The following CCSER2 variants were observed in gnomAD, a reference collection of about 807,000 sequenced individuals.
The protein encoded by CCSER2 is serine-rich coiled-coil domain-containing protein 2.
In CCSER2, 46 loss-of-function variants were observed where a neutral mutation model predicts 92.3. The observed-to-expected ratio is 0.50, with a 90% CI of 0.39 to 0.64. The LOEUF (loss-of-function observed/expected upper bound fraction) is 0.64, where lower values mean the gene tolerates loss of function less well. Ranked by LOEUF, CCSER2 falls within the 30% of genes least tolerant of loss-of-function variation. CCSER2 has a pLI of 0.00. For synonymous variants in CCSER2, 433 were observed against 431.4 expected, an observed-to-expected ratio of 1.00 and a Z score of -0.04; for missense variants, 1,244 against 1,238.9, an observed-to-expected ratio of 1.00 and a Z score of -0.06.
chr10:84,336,010 T>C (rs1380227453), intron 1 of CCSER2, among the ~76,000 whole-genome samples: 2 of 152,196 alleles, frequency 1.3e-5, no homozygotes, highest in Non-Finnish European at 2.9e-5. Context: ...CTGTTTTGTT[T>C]TGTTTCTTTT....
intron 9 of CCSER2, among the ~76,000 whole-genome samples, chr10:84,487,583 A>G (rs190685483): frequency 7.8e-4 from 119 of 152,280 alleles, no homozygotes; most frequent in African/African-American, 2.8e-3. Context: ...TTTTTGCACA[A>G]TGATTTTGTA....
chr10:84,415,039 A>G (rs1434398053), intron 3 of CCSER2, among the ~76,000 whole-genome samples: 1 of 152,144 alleles, frequency 6.6e-6, no homozygotes, highest in Non-Finnish European at 1.5e-5. Flanking sequence ...TTTGACTATC[A>G]GCTCCTGTGT....
chr10:84,387,237 C>T (rs1212652061), intron 3 of CCSER2, among the ~76,000 whole-genome samples: 2 of 152,150 alleles, frequency 1.3e-5, no homozygotes, highest in Non-Finnish European at 2.9e-5. Flanking sequence ...ATTTTCTCCC[C>T]TCCCTCTAAG....
At chr10:84,493,146 T>C (rs1050329012) in intron 9 of CCSER2, among the ~76,000 whole-genome samples, 1 of 152,228 alleles carries the variant, frequency 6.6e-6, no homozygotes, top group African/African-American at 2.4e-5. Context: ...TTAATAGTTA[T>C]TGACCTATTC....
intron 1 of CCSER2, among the ~76,000 whole-genome samples, chr10:84,329,181 T>C (rs1403214624): frequency 1.3e-5 from 2 of 152,110 alleles, no homozygotes; most frequent in East Asian, 3.9e-4. Context: ...GAGTTCGATT[T>C]TTTTTTTCTT....
chr10:84,507,266 T>C, intron 9 of CCSER2: 1 of 979,210 alleles, frequency 1.0e-6, no homozygotes, highest in Non-Finnish European at 1.2e-6. Flanking sequence ...TTTTCTTGTC[T>C]CTGCTCTCCC....
intron 1 of CCSER2, among the ~76,000 whole-genome samples, chr10:84,354,411 A>G (rs781722282): frequency 1.6e-4 from 25 of 152,036 alleles, no homozygotes; most frequent in Admixed American, 3.9e-4. Flanking sequence ...ACTAAGCCCA[A>G]TTATTCTTTT....
Position 84,372,103 on chromosome 10 carries a change from G to C in CCSER2, c.1051G>C (p.Asp351His). ...NSPADTCVEE[D>H]ATVLAKDRAA... ...ACCTGCTGACACATGTGTAGAGGAA[G>C]ATGCTACAGTTTTGGCTAAGGACAG... The change falls in exon 2 of 10, where the codon GAT (aspartate) becomes CAT (histidine). Residue 351 changes from aspartate (D) to histidine (H), a missense_variant. By Grantham distance (81) the Asp-to-His change is moderately conservative. Coordinates refer to ENST00000372088, the MANE Select transcript of CCSER2 (RefSeq NM_001284240.2). 1 of 1,613,696 alleles carries C rather than the reference G, an allele frequency of 6.2e-7. No individual in the cohort carries two copies. The highest frequency in any genetic ancestry group is 8.5e-7 in the Non-Finnish European group (1 of 1,179,758).
intron 6 of CCSER2, among the ~76,000 whole-genome samples, chr10:84,457,642 T>C (rs1226256026): frequency 1.0e-5 from 1 of 98,462 alleles, no homozygotes; most frequent in Non-Finnish European, 2.0e-5. Context: ...TATATATAAT[T>C]ATATATAATT....
At chr10:84,368,660 AAAT>A (rs1845908955) in intron 1 of CCSER2, among the ~76,000 whole-genome samples, 2 of 152,228 alleles carry the variant, frequency 1.3e-5, no homozygotes, top group South Asian at 2.1e-4. Flanking sequence ...TTTTTTAAAA[AAAT>A]AATATGTTCT....
chr10:84,351,398 ATTTTTGTAT>A (rs992804075), intron 1 of CCSER2, among the ~76,000 whole-genome samples: 3 of 151,766 alleles, frequency 2.0e-5, no homozygotes, highest in Non-Finnish European at 4.4e-5. Context: ...TGTCTGGCTG[ATTTTTGTAT>A]TTTTAGTAGA....
intron 6 of CCSER2, among the ~76,000 whole-genome samples, chr10:84,459,308 C>T (rs905250653): frequency 6.6e-6 from 1 of 152,100 alleles, no homozygotes; most frequent in Non-Finnish European, 1.5e-5. Context: ...AAGGGACTTT[C>T]TACACCATAC....
intron 1 of CCSER2, among the ~76,000 whole-genome samples, chr10:84,342,793 G>A (rs1186055047): frequency 6.6e-6 from 1 of 152,078 alleles, no homozygotes; most frequent in East Asian, 1.9e-4. Context: ...GTTCTTAATT[G>A]TTAAATCCAC....
chr10:84,502,406 C>T (rs1035733768), intron 9 of CCSER2, among the ~76,000 whole-genome samples: 1 of 131,080 alleles, frequency 7.6e-6, no homozygotes, highest in Non-Finnish European at 1.6e-5. Flanking sequence ...GAGTCTTGCT[C>T]TGTTGCCCAG....
At chr10:84,451,209 T>TA (rs1171551260) in intron 6 of CCSER2, among the ~76,000 whole-genome samples, 2 of 149,156 alleles carry the variant, frequency 1.3e-5, no homozygotes, top group Non-Finnish European at 3.0e-5. Flanking sequence ...ATGTATTTAG[T>TA]AAAAAATAAT....
chr10:84,349,638 C>A (rs997362857), intron 1 of CCSER2, among the ~76,000 whole-genome samples: 1 of 152,116 alleles, frequency 6.6e-6, no homozygotes, highest in Non-Finnish European at 1.5e-5. Flanking sequence ...ACTATGATCA[C>A]CCCACTGTAC....
chr10:84,328,982 C>T (rs1366939888), intron 1 of CCSER2, among the ~76,000 whole-genome samples, 174 bp downstream of exon 1: 2 of 151,664 alleles, frequency 1.3e-5, no homozygotes, highest in African/African-American at 2.4e-5. Flanking sequence ...CCTCGCGAGC[C>T]GCCGGACGCG....
intron 1 of CCSER2, among the ~76,000 whole-genome samples, chr10:84,369,378 T>G (rs1457206477): frequency 2.6e-5 from 4 of 152,210 alleles, no homozygotes; most frequent in Non-Finnish European, 5.9e-5. Context: ...TAAGGTGATA[T>G]CTCATTGTGG....
intron 5 of CCSER2, 61 bp downstream of exon 5, chr10:84,425,954 C>G: frequency 8.0e-7 from 1 of 1,254,494 alleles, no homozygotes; most frequent in South Asian, 2.1e-5. Flanking sequence ...TATAATTCTC[C>G]CTTTCCCAGA....
Sources: allele counts gnomAD v4.1 joint callset (sites outside exome capture counted in the v4.1 genomes callset), GRCh38; gene constraint gnomAD v4.1.1; transcripts MANE v1.5; gene names NCBI Gene and HGNC (gene_info 2026-07-23, HGNC 2026-07-21).